The following UST variants were observed in gnomAD, a reference collection of about 807,000 sequenced individuals.
UST encodes chondroitin sulfate 2-O-sulfotransferase.
UST carries 21 observed loss-of-function variants against 45.6 expected under a neutral mutation model. That is an observed-to-expected ratio of 0.46 (90% CI 0.33 to 0.66). The LOEUF is 0.66. UST is among the 30% of genes least tolerant of loss of function. The pLI, the probability that UST is intolerant of heterozygous loss-of-function variation, is 0.02. For synonymous variants in UST, 215 were observed against 200.6 expected, an observed-to-expected ratio of 1.07 and a Z score of -0.61; for missense variants, 463 against 512.4, an observed-to-expected ratio of 0.90 and a Z score of 0.93.
rs558443686 is a variant in UST, at chr6:148,777,599, C to T, written c.247+29922C>T. On this transcript the variant is annotated intron_variant, in intron 1 of 7. Coordinates refer to ENST00000367463, the MANE Select transcript of UST (RefSeq NM_005715.3). The stretch of plus-strand genomic sequence containing the variant: ...TCGCTCTGTCACCCAGGCTGGAGTG[C>T]AATGACACAATCTCAGCTCACTGCA... 1.5e-3 allele frequency among the ~76,000 whole-genome samples: 224 copies of T among 152,272 alleles called. 2 individuals are homozygous for T. The highest frequency in any genetic ancestry group is 5.3e-3 in the African/African-American group (219 of 41,550).
Position 148,841,572 on chromosome 6 carries a change from G to A in UST, c.248-45414G>A, listed in dbSNP as rs1049353727. Among the ~76,000 whole-genome samples, 5 of 141,766 alleles carry A rather than the reference G, an allele frequency of 3.5e-5. 1 individual carries two copies. The highest frequency in any genetic ancestry group is 8.1e-5 in the African/African-American group (3 of 37,060). 93.0% of individuals were successfully genotyped at this position (141,766 alleles called of 152,430 possible). On this transcript the variant is annotated intron_variant, in intron 1 of 7. Coordinates refer to ENST00000367463, the MANE Select transcript of UST (RefSeq NM_005715.3). ...TGTGCTTTATAATTTGCCCAAGGGG[G>A]TCTGTTTTGTTTTTGTTTTTTTTTT...
chr6:148,945,084 A>T lies in UST; in HGVS notation c.447+3650A>T, dbSNP rs574610038. 3.9e-5 allele frequency among the ~76,000 whole-genome samples: 6 copies of T among 152,366 alleles called. No individual in the cohort carries two copies. In the South Asian group the frequency reaches 6.2e-4, roughly 16 times the overall value. On this transcript the variant is annotated intron_variant, in intron 3 of 7. Transcript: ENST00000367463. Reference sequence around the variant, plus strand: ...AAAGAAAAGCAAAAGTTACCAGCATATTGAGAAGGCACATAATTTTACTAT... The same window carrying T: ...AAAGAAAAGCAAAAGTTACCAGCATTTTGAGAAGGCACATAATTTTACTAT...
intron 1 of UST, among the ~76,000 whole-genome samples, chr6:148,759,253 C>A (rs1283469360): frequency 2.0e-5 from 3 of 152,090 alleles, no homozygotes; most frequent in Non-Finnish European, 4.4e-5. Flanking sequence ...TAAAAAAGTC[C>A]CTGAGCTCAC....
At chr6:149,041,863 C>A (rs897177749) in intron 7 of UST, among the ~76,000 whole-genome samples, 8 of 152,178 alleles carry the variant, frequency 5.3e-5, no homozygotes, top group African/African-American at 1.9e-4. Flanking sequence ...GTGGCCCACT[C>A]CCCGAGGACC....
chr6:149,028,060 T>C (rs1042179006), intron 7 of UST, among the ~76,000 whole-genome samples: 2 of 152,098 alleles, frequency 1.3e-5, no homozygotes, highest in African/African-American at 4.8e-5. Flanking sequence ...ATCAGGCTGG[T>C]CTTGAACTCC....
intron 1 of UST, among the ~76,000 whole-genome samples, chr6:148,811,377 A>T (rs1461249168): frequency 2.0e-5 from 3 of 152,180 alleles, no homozygotes; most frequent in African/African-American, 4.8e-5. Context: ...TCTGCACACC[A>T]CAGCAAGCCA....
At chr6:148,754,264 G>A (rs1387415485) in intron 1 of UST, among the ~76,000 whole-genome samples, 1 of 152,110 alleles carries the variant, frequency 6.6e-6, no homozygotes, top group Non-Finnish European at 1.5e-5. Context: ...CCAAAGTGCT[G>A]GGATTACAGG....
At chr6:148,994,411 G>A (rs1205971442) in intron 5 of UST, among the ~76,000 whole-genome samples, 1 of 152,128 alleles carries the variant, frequency 6.6e-6, no homozygotes, top group Non-Finnish European at 1.5e-5. Context: ...TCTGATAGTG[G>A]AAAACTGCTG....
intron 1 of UST, among the ~76,000 whole-genome samples, chr6:148,867,350 A>AT (rs1395696746): frequency 6.6e-5 from 10 of 151,380 alleles, no homozygotes; most frequent in African/African-American, 2.4e-4. Context: ...GTATGTATGT[A>AT]TTTTTGAAAG....
Position 148,747,254 on chromosome 6 carries a change from GGA to G in UST, c.-176_-175del, listed in dbSNP as rs529591200. ...TCGGCCGCTCGGGCCGCGGCGGCGG[GGA>G]CCATGCCGAAGAAAGTCTCCTGAGC... On this transcript the variant is annotated 5_prime_UTR_variant, in exon 1 of 8. Transcript: ENST00000367463. 1,640 of 690,348 alleles carry G rather than the reference GGA, an allele frequency of 2.4e-3. 20 individuals are homozygous for G. In the African/African-American group the frequency reaches 0.028, roughly 12 times the overall value. The allele number at this position is 690,348 out of a possible 1,614,324, so 42.8% of individuals were successfully genotyped here.
chr6:148,752,769 G>A (rs981814327), intron 1 of UST, among the ~76,000 whole-genome samples: 3 of 152,208 alleles, frequency 2.0e-5, no homozygotes, highest in African/African-American at 7.2e-5. Flanking sequence ...GGAGACTGAA[G>A]GAGCAAAAAC....
chr6:149,002,726 C>A (rs1229413731), intron 5 of UST, among the ~76,000 whole-genome samples: 3 of 152,100 alleles, frequency 2.0e-5, no homozygotes, highest in African/African-American at 7.2e-5. Context: ...AGGCTGGTCT[C>A]GAACTCCTGA....
At chr6:148,784,065 C>G (rs1159671099) in intron 1 of UST, among the ~76,000 whole-genome samples, 1 of 152,218 alleles carries the variant, frequency 6.6e-6, no homozygotes, top group East Asian at 1.9e-4. Context: ...TCACGAAACC[C>G]CAACCCTCAT....
intron 1 of UST, among the ~76,000 whole-genome samples, chr6:148,857,953 GA>G (rs975001738): frequency 6.6e-6 from 1 of 151,136 alleles, no homozygotes; most frequent in Non-Finnish European, 1.5e-5. Flanking sequence ...GGGCGAAAAT[GA>G]AAAAAAACCC....
At chr6:148,949,057 A>G (rs1156693514) in intron 3 of UST, among the ~76,000 whole-genome samples, 2 of 152,044 alleles carry the variant, frequency 1.3e-5, no homozygotes, top group Non-Finnish European at 2.9e-5. Context: ...TTGGCAGGCC[A>G]AGGCGGGTGG....
chr6:149,005,016 T>TC (rs1781620630), intron 5 of UST, among the ~76,000 whole-genome samples: 1 of 151,022 alleles, frequency 6.6e-6, no homozygotes, highest in Non-Finnish European at 1.5e-5. Flanking sequence ...TTTTTTTTTT[T>TC]AACTTTTTTG....
At chr6:149,046,672 G>A (rs1452552136) in intron 7 of UST, among the ~76,000 whole-genome samples, 5 of 152,222 alleles carry the variant, frequency 3.3e-5, no homozygotes, top group Non-Finnish European at 7.3e-5. Context: ...GATTAATGGA[G>A]ATAATGTGCC....
chr6:148,839,535 A>G (rs1398084324), intron 1 of UST, among the ~76,000 whole-genome samples: 1 of 152,232 alleles, frequency 6.6e-6, no homozygotes, highest in African/African-American at 2.4e-5. Flanking sequence ...ACATGATTTC[A>G]TAGGGCTGAG....
chr6:148,987,344 C>T (rs1023766076), intron 5 of UST, among the ~76,000 whole-genome samples: 2 of 152,174 alleles, frequency 1.3e-5, no homozygotes, highest in Non-Finnish European at 2.9e-5. Flanking sequence ...GGCCTGAGAG[C>T]TTAGCTCTGC....
Sources: allele counts gnomAD v4.1 joint callset (sites outside exome capture counted in the v4.1 genomes callset), GRCh38; gene constraint gnomAD v4.1.1; transcripts MANE v1.5; gene names NCBI Gene and HGNC (gene_info 2026-07-23, HGNC 2026-07-21).